Variants in RPL22L1 observed in about 807,000 individuals in gnomAD.
The protein encoded by RPL22L1 is ribosomal protein eL22-like.
A neutral mutation model predicts 17.3 loss-of-function variants in RPL22L1; 19 were observed. The ratio of observed to expected loss-of-function variants is 1.10; its 90% confidence interval spans 0.77 to 1.61. RPL22L1 has a LOEUF of 1.61. Ranked by LOEUF, RPL22L1 falls within the 40% of genes most tolerant of loss-of-function variation. The probability of loss-of-function intolerance (pLI) is 0.00; values close to 1 mark genes in which losing one functional copy is unlikely to be tolerated. For synonymous variants in RPL22L1, 48 were observed against 48.5 expected (o/e 0.99, Z 0.05); for missense variants, 139 against 144.4 (o/e 0.96, Z 0.19).
intron 3 of RPL22L1, among the ~76,000 whole-genome samples, chr3:170,866,822 T>C (rs1711787007): frequency 6.6e-6 from 1 of 152,176 alleles, no homozygotes; most frequent in African/African-American, 2.4e-5. Flanking sequence ...TCTGTGTATA[T>C]ATATGTGAAA....
Position 170,868,404 on chromosome 3 carries a change from AAAT to A in RPL22L1, c.10-17_10-15del, listed in dbSNP as rs1290188492. On this transcript the variant is annotated splice_polypyrimidine_tract_variant and intron_variant, in intron 1 of 3. Transcript: ENST00000295830. ...CCTGTCTTTCTGCTACATAAATGAG[AAAT>A]AATTATGTAGCTATATAAAACAACT... 4.0e-6 allele frequency: 6 copies of A among 1,488,600 alleles called. No homozygotes were observed. The Admixed American group carries it at 8.7e-5, about 22-fold the overall frequency. The allele number at this position is 1,488,600 out of a possible 1,614,324, so 92.2% of individuals were successfully genotyped here.
rs1156513898 is a variant in RPL22L1, at chr3:170,865,059, A to G, written c.*1321T>C. 3 of 152,262 alleles carry G rather than the reference A, an allele frequency of 2.0e-5. No individual in the cohort carries two copies. Among genetic ancestry groups the G allele is most frequent in the East Asian group, 3.8e-4 (2 of 5,202 alleles). 9.4% of individuals were successfully genotyped at this position (152,262 alleles called of 1,614,324 possible). A position where few individuals can be genotyped will look rare whatever the true frequency, so the allele number is the denominator to read the frequency against. Reference sequence around the variant, plus strand: ...CACAGTAGTAGGTACCTGGTTAACTATTTGTGAAAAACATGAAAAATGGGA... The same window carrying G: ...CACAGTAGTAGGTACCTGGTTAACTGTTTGTGAAAAACATGAAAAATGGGA... On this transcript the variant is annotated 3_prime_UTR_variant, in exon 4 of 4. Coordinates refer to ENST00000295830, the MANE Select transcript of RPL22L1 (RefSeq NM_001099645.2).
Position 170,865,867 on chromosome 3 carries a change from G to A in RPL22L1, c.*513C>T, listed in dbSNP as rs1269090396. 1 of 152,398 alleles carries A rather than the reference G, an allele frequency of 6.6e-6. No homozygotes were observed. The highest frequency in any genetic ancestry group is 2.4e-5 in the African/African-American group (1 of 41,448). The allele number at this position is 152,398 out of a possible 1,614,324, so 9.4% of individuals were successfully genotyped here. The stretch of plus-strand genomic sequence containing the variant: ...TATATAAAAAATTGTTCTACAGTAA[G>A]ATTTCCTGGCCGGGCATGGTGGTTC... On this transcript the variant is annotated 3_prime_UTR_variant, in exon 4 of 4. Coordinates refer to ENST00000295830, the MANE Select transcript of RPL22L1 (RefSeq NM_001099645.2).
At chr3:170,868,413 T>C (rs766952090) in intron 1 of RPL22L1, 23 bp from the exon 2 acceptor site, 76 of 1,403,572 alleles carry the variant, frequency 5.4e-5, no homozygotes, top group Non-Finnish European at 7.6e-5. Flanking sequence ...GAAATAATTA[T>C]GTAGCTATAT....
Position 170,866,436 on chromosome 3 carries a change from C to T in RPL22L1, c.313G>A (p.Glu105Lys), listed in dbSNP as rs761781205. The change falls in exon 4 of 4, where the codon GAA becomes AAA. Residue 105 changes from glutamate (E) to lysine (K), a missense_variant. Physicochemically the swap from Glu to Lys is moderately conservative, Grantham distance 56. Coordinates refer to ENST00000295830, the MANE Select transcript of RPL22L1 (RefSeq NM_001099645.2). ...RVVASDKETYELRYFQISQDE... is the reference protein window; with the variant it reads ...RVVASDKETYKLRYFQISQDE... ...TGACTAATCTGGAAGTAACGAAGTTCGTAGGTCTCCTTGTCAGATGCAACC... is the reference window on the plus strand; with the variant it reads ...TGACTAATCTGGAAGTAACGAAGTTTGTAGGTCTCCTTGTCAGATGCAACC... 6.2e-6 allele frequency: 10 copies of T among 1,601,074 alleles called. No individual in the cohort carries two copies. The South Asian group carries it at 6.8e-5, about 11-fold the overall frequency.
intron 1 of RPL22L1, among the ~76,000 whole-genome samples, chr3:170,869,692 G>C (rs931094325): frequency 6.6e-6 from 1 of 151,882 alleles, no homozygotes; most frequent in South Asian, 2.1e-4. Context: ...TTCCCCAACT[G>C]AAAGTTCTCA....
intron 2 of RPL22L1, 67 bp from the exon 3 acceptor site, chr3:170,868,201 C>T: frequency 6.5e-7 from 1 of 1,535,830 alleles, no homozygotes; most frequent in Non-Finnish European, 9.0e-7. Flanking sequence ...GGGAAGGTAC[C>T]CTAGGAATAG....
At chr3:170,868,512 T>A (rs756879228) in intron 1 of RPL22L1, 122 bp from the exon 2 acceptor site, 53 of 589,288 alleles carry the variant, frequency 9.0e-5, no homozygotes, top group Non-Finnish European at 1.5e-4. Context: ...TATACAGAAA[T>A]GTAACAATAA....
At chr3:170,866,658 T>C in intron 3 of RPL22L1, 134 bp from the exon 4 acceptor site, 3 of 624,436 alleles carry the variant, frequency 4.8e-6, no homozygotes, top group Non-Finnish European at 5.5e-6. Context: ...CATCCTTCCA[T>C]TCACAGGATG....
Position 170,865,783 on chromosome 3 carries a change from AC to A in RPL22L1, c.*596del, listed in dbSNP as rs1447709748. Reference sequence around the variant, plus strand: ...GTTCTAAGCACTTGAGATTACATTTACAAGCTATTAAAAACAGTATTTGAGA... The same window carrying A: ...GTTCTAAGCACTTGAGATTACATTTAAAGCTATTAAAAACAGTATTTGAGA... On this transcript the variant is annotated 3_prime_UTR_variant, in exon 4 of 4. Transcript: ENST00000295830. 1 of 152,304 alleles carries A rather than the reference AC, an allele frequency of 6.6e-6. No individual in the cohort carries two copies. The highest frequency in any genetic ancestry group is 1.5e-5 in the Non-Finnish European group (1 of 68,080). The allele number at this position is 152,304 out of a possible 1,614,324, so 9.4% of individuals were successfully genotyped here.
Position 170,866,245 on chromosome 3 carries a change from CA to C in RPL22L1, c.*134del, listed in dbSNP as rs1186533038. ...ATCAAAATCATATAAACAGCATACTCAAAAAAATGAGACAAAAGTTCAAGAG... is the reference window on the plus strand; with the variant it reads ...ATCAAAATCATATAAACAGCATACTCAAAAAATGAGACAAAAGTTCAAGAG... On this transcript the variant is annotated 3_prime_UTR_variant, in exon 4 of 4. Coordinates refer to ENST00000295830, the MANE Select transcript of RPL22L1 (RefSeq NM_001099645.2). The C allele has an allele frequency of 5.9e-6, 4 of 680,392 alleles. No individual in the cohort carries two copies. The highest frequency in any genetic ancestry group is 7.0e-6 in the Non-Finnish European group (3 of 426,668). 42.1% of individuals were successfully genotyped at this position (680,392 alleles called of 1,614,324 possible). A position where few individuals can be genotyped will look rare whatever the true frequency, so the allele number is the denominator to read the frequency against.
chr3:170,867,899 A>C (rs1711830092), intron 3 of RPL22L1, 114 bp downstream of exon 3: 1 of 851,286 alleles, frequency 1.2e-6, no homozygotes, highest in South Asian at 2.0e-5. Flanking sequence ...GTAGGCCTTT[A>C]GTCTAAAGTT....
At chr3:170,868,547 C>A (rs865905992) in intron 1 of RPL22L1, among the ~76,000 whole-genome samples, 157 bp from the exon 2 acceptor site, 1 of 152,126 alleles carries the variant, frequency 6.6e-6, no homozygotes, top group Non-Finnish European at 1.5e-5. Context: ...CCACTACCCA[C>A]GCCGGGGTTG....
chr3:170,868,693 A>G (rs901324137), intron 1 of RPL22L1, among the ~76,000 whole-genome samples: 3 of 151,812 alleles, frequency 2.0e-5, no homozygotes, highest in Admixed American at 2.0e-4. Context: ...GGAATAGGTT[A>G]GTATACTGCC....
At chr3:170,870,045 A>C in intron 1 of RPL22L1, 114 bp downstream of exon 1, 1 of 1,464,910 alleles carries the variant, frequency 6.8e-7, no homozygotes, top group Non-Finnish European at 9.5e-7. Context: ...AGACTTCACT[A>C]CTCCCCTCCC....
chr3:170,870,134 T>A, intron 1 of RPL22L1, 25 bp downstream of exon 1: 1 of 1,613,626 alleles, frequency 6.2e-7, no homozygotes, highest in Non-Finnish European at 8.5e-7. Context: ...CACACAACAC[T>A]CCCACCAAGA....
chr3:170,869,705 A>C (rs1414243975), intron 1 of RPL22L1, among the ~76,000 whole-genome samples: 1 of 151,962 alleles, frequency 6.6e-6, no homozygotes, highest in Non-Finnish European at 1.5e-5. Context: ...AGTTCTCAAA[A>C]ACTTGTGATG....
chr3:170,866,315 G>T lies in RPL22L1; in HGVS notation c.*65C>A. The T allele has an allele frequency of 3.0e-6, 4 of 1,348,070 alleles. No individual in the cohort carries two copies. The highest frequency in any genetic ancestry group is 4.0e-6 in the Non-Finnish European group (4 of 1,004,342). 83.5% of individuals were successfully genotyped at this position (1,348,070 alleles called of 1,614,324 possible). Reference sequence around the variant, plus strand: ...CTGATAAACTAAAAGCCAATTTCTTGGTATTTCTCATGTATACTTCATTTA... The same window carrying T: ...CTGATAAACTAAAAGCCAATTTCTTTGTATTTCTCATGTATACTTCATTTA... On this transcript the variant is annotated 3_prime_UTR_variant, in exon 4 of 4. Coordinates refer to ENST00000295830, the MANE Select transcript of RPL22L1 (RefSeq NM_001099645.2).
At chr3:170,869,983 G>C (rs1263889184) in intron 1 of RPL22L1, 176 bp downstream of exon 1, 2 of 936,384 alleles carry the variant, frequency 2.1e-6, no homozygotes, top group African/African-American at 1.6e-5. Context: ...AGCTGCCAGG[G>C]AGTCTCGAAA....
Sources: allele counts gnomAD v4.1 joint callset (sites outside exome capture counted in the v4.1 genomes callset), GRCh38; gene constraint gnomAD v4.1.1; transcripts MANE v1.5; gene names NCBI Gene and HGNC (gene_info 2026-07-23, HGNC 2026-07-21).